DST: variants seen among roughly 807,000 people sequenced by gnomAD.
DST encodes bullous pemphigoid antigen.
Under a neutral mutation model 875.2 loss-of-function variants are expected in DST, and 253 were observed. The observed-to-expected ratio is 0.29, with a 90% confidence interval of 0.26 to 0.32. The LOEUF is 0.32. DST is among the 10% of genes least tolerant of loss of function. The pLI is 1.00. For synonymous variants in DST, 3,124 were observed against 3,197.1 expected (o/e 0.98, Z 0.77); for missense variants, 8,287 against 9,111.6 (o/e 0.91, Z 3.68).
intron 3 of DST, among the ~76,000 whole-genome samples, chr6:56,896,157 T>C (rs1791175491): frequency 2.0e-5 from 3 of 146,790 alleles, no homozygotes; most frequent in Non-Finnish European, 3.0e-5. Flanking sequence ...AGCCTACTTT[T>C]AGTTCTTTAA....
At chr6:56,514,578 TACACACACACACACAC>T (rs766261479) in intron 72 of DST, among the ~76,000 whole-genome samples, 7 of 145,030 alleles carry the variant, frequency 4.8e-5, no homozygotes, top group Non-Finnish European at 9.0e-5. Context: ...CACAGGCGTA[TACACACACACACACAC>T]ACACACACAC....
intron 15 of DST, 47 bp from the exon 16 acceptor site, chr6:56,642,550 A>G: frequency 1.9e-6 from 3 of 1,608,916 alleles, no homozygotes; most frequent in Non-Finnish European, 2.6e-6. Context: ...TTTGAAGTCA[A>G]AGAGCTCACC....
At chr6:56,908,948 A>T (rs1219620452) in intron 2 of DST, among the ~76,000 whole-genome samples, 2 of 152,180 alleles carry the variant, frequency 1.3e-5, no homozygotes, top group Non-Finnish European at 2.9e-5. Context: ...AAATAAGCAT[A>T]AAAATGTGTA....
At chr6:56,615,629 G>A (rs2098606436) in intron 36 of DST, 1 of 1,613,908 alleles carries the variant, frequency 6.2e-7, no homozygotes, top group African/African-American at 1.3e-5. Flanking sequence ...TTCTTTATAT[G>A]TCAACTTTCT....
At chr6:56,673,830 C>T (rs2099114973) in intron 9 of DST, among the ~76,000 whole-genome samples, 1 of 152,112 alleles carries the variant, frequency 6.6e-6, no homozygotes, top group African/African-American at 2.4e-5. Context: ...TCCACTAGGC[C>T]CACAAGCAGG....
intron 2 of DST, among the ~76,000 whole-genome samples, chr6:56,919,003 T>C (rs1191904063): frequency 6.6e-6 from 1 of 152,184 alleles, no homozygotes; most frequent in Non-Finnish European, 1.5e-5. Context: ...AGCCATTTTT[T>C]TCTCCGAATT....
intron 37 of DST, 130 bp downstream of exon 37, chr6:56,614,226 T>A: frequency 5.4e-6 from 4 of 738,054 alleles, no homozygotes; most frequent in Non-Finnish European, 7.8e-6. Context: ...TCTTTCTGAT[T>A]TGCATTATAT....
Position 56,487,175 on chromosome 6 carries a change from G to T in DST, c.20976C>A (p.Asn6992Lys), listed in dbSNP as rs199658821. The T allele has an allele frequency of 3.1e-6, 5 of 1,613,912 alleles. No homozygotes were observed. The Admixed American group carries it at 6.7e-5, about 22-fold the overall frequency. The change falls in exon 87 of 104, where the codon AAC (asparagine) becomes AAA (lysine). Residue 6992 changes from asparagine to lysine, a missense_variant. By Grantham distance (94) the Asn-to-Lys change is moderately conservative (BLOSUM62 0). Transcript: ENST00000680361. Reference sequence around the variant, plus strand: ...CACTCAGCATGTCATCCAGTTTCAGGTTGTCATCAGCCAGGGAGGTTTTCT... The same window carrying T: ...CACTCAGCATGTCATCCAGTTTCAGTTTGTCATCAGCCAGGGAGGTTTTCT... Reference protein sequence around the residue: ...LKEKTSLADDNLKLDDMLSEL... With the variant: ...LKEKTSLADDKLKLDDMLSEL...
At chr6:56,570,845 GA>G in intron 53 of DST, among the ~76,000 whole-genome samples, 1 of 152,184 alleles carries the variant, frequency 6.6e-6, no homozygotes, top group East Asian at 1.9e-4. Flanking sequence ...AATGAGCTTT[GA>G]TCTGTCCCCT....
intron 4 of DST, among the ~76,000 whole-genome samples, chr6:56,739,206 C>T (rs1021415438): frequency 3.3e-5 from 5 of 150,770 alleles, no homozygotes; most frequent in African/African-American, 1.2e-4. Flanking sequence ...GACAATCCAA[C>T]TGAGGAAAAC....
intron 38 of DST, 128 bp downstream of exon 38, chr6:56,611,380 A>G: frequency 1.5e-6 from 1 of 648,724 alleles, no homozygotes; most frequent in East Asian, 2.8e-5. Flanking sequence ...TTACATTACT[A>G]TATTAATTGT....
At chr6:56,691,979 T>A (rs555071837) in intron 9 of DST, among the ~76,000 whole-genome samples, 1 of 152,348 alleles carries the variant, frequency 6.6e-6, no homozygotes, top group African/African-American at 2.4e-5. Context: ...TTTTACAGTA[T>A]CCTATTATTT....
chr6:56,574,386 C>T (rs967999405), intron 50 of DST, among the ~76,000 whole-genome samples: 1 of 152,152 alleles, frequency 6.6e-6, no homozygotes, highest in Non-Finnish European at 1.5e-5. Context: ...TATCTCCCTC[C>T]TTCATACACA....
At chr6:56,515,779 T>C (rs1562495776) in intron 71 of DST, 111 bp from the exon 72 acceptor site, 2 of 723,930 alleles carry the variant, frequency 2.8e-6, no homozygotes, top group African/African-American at 1.8e-5. Flanking sequence ...TTGACAAATA[T>C]ATGTTAAATG....
chr6:56,871,574 G>T, intron 3 of DST: 2 of 901,126 alleles, frequency 2.2e-6, no homozygotes, highest in South Asian at 2.6e-5. Context: ...CACACTGCTG[G>T]ACCTACAGAG....
chr6:56,767,854 A>G (rs1446924237), intron 4 of DST, among the ~76,000 whole-genome samples: 2 of 152,130 alleles, frequency 1.3e-5, no homozygotes, highest in Non-Finnish European at 2.9e-5. Flanking sequence ...AGCCATACAG[A>G]TATCTGGAAG....
intron 23 of DST, among the ~76,000 whole-genome samples, chr6:56,636,076 T>A (rs1309015275): frequency 3.3e-5 from 5 of 152,130 alleles, no homozygotes; most frequent in Non-Finnish European, 7.4e-5. Context: ...TGATTCTCTA[T>A]ATGAAAACAG....
intron 3 of DST, among the ~76,000 whole-genome samples, chr6:56,870,719 T>G (rs140081653): frequency 0.022 from 3,303 of 152,060 alleles, 134 homozygotes; most frequent in East Asian, 0.18. Flanking sequence ...GCCGAGATCA[T>G]GCCATTACAC....
intron 30 of DST, 70 bp from the exon 31 acceptor site, chr6:56,630,453 C>CA: frequency 1.5e-6 from 2 of 1,331,064 alleles, no homozygotes; most frequent in Non-Finnish European, 2.1e-6. Context: ...AGTCCTGAAG[C>CA]ACCATTATGA....
Sources: gnomAD v4.1 joint callset for allele counts (sites outside exome capture counted in the v4.1 genomes callset) on GRCh38, gnomAD v4.1.1 for gene constraint, MANE v1.5 for transcripts, NCBI Gene and HGNC (gene_info 2026-07-23, HGNC 2026-07-21) for gene names.